The following ZSWIM6 variants were observed in gnomAD, a reference collection of about 807,000 sequenced individuals.
ZSWIM6 encodes zinc finger SWIM-type containing 6, also known as zinc finger SWIM domain-containing protein 6.
ZSWIM6 carries 9 observed loss-of-function variants against 113.2 expected under a neutral mutation model. The observed-to-expected ratio is 0.08, with a 90% CI of 0.05 to 0.14. The LOEUF is 0.14. Ranked by LOEUF, ZSWIM6 falls within the 10% of genes least tolerant of loss-of-function variation. ZSWIM6 has a pLI of 1.00. For synonymous variants in ZSWIM6, 611 were observed against 606.5 expected, an observed-to-expected ratio of 1.01 and a Z score of -0.11; for missense variants, 1,162 against 1,552.2, an observed-to-expected ratio of 0.75 and a Z score of 4.22.
intron 1 of ZSWIM6, among the ~76,000 whole-genome samples, chr5:61,470,730 A>C (rs1486413070): frequency 2.0e-5 from 3 of 152,216 alleles, no homozygotes; most frequent in Admixed American, 6.5e-5. Context: ...GACAGTTCTC[A>C]AAATTTCTTA....
At chr5:61,428,691 T>A (rs929766542) in intron 1 of ZSWIM6, among the ~76,000 whole-genome samples, 2 of 152,162 alleles carry the variant, frequency 1.3e-5, no homozygotes, top group African/African-American at 2.4e-5. Flanking sequence ...TTTTATTTTT[T>A]AAAAATTACA....
At chr5:61,509,969 G>T (rs556525385) in intron 4 of ZSWIM6, among the ~76,000 whole-genome samples, 178 of 151,960 alleles carry the variant, frequency 1.2e-3, no homozygotes, top group African/African-American at 4.0e-3. Context: ...ACAATGGTTT[G>T]CAGGAGTGCA....
rs1193439288 is a variant in ZSWIM6 at position 61,332,671 on chromosome 5, C to A, written c.399C>A (p.Ala133=). Residue 133 remains alanine, a synonymous_variant, in exon 1 of 14, where the codon GCC becomes GCA. Coordinates refer to ENST00000252744, the MANE Select transcript of ZSWIM6 (RefSeq NM_020928.2). ...MYSSFNTGGG[A]AGGPGDDSGG... ...CGTCCTTCAACACCGGCGGCGGCGCCGCGGGCGGCCCCGGCGACGACAGCG... is the reference window on the plus strand; with the variant it reads ...CGTCCTTCAACACCGGCGGCGGCGCAGCGGGCGGCCCCGGCGACGACAGCG... 2 of 1,108,640 alleles carry A rather than the reference C, an allele frequency of 1.8e-6. No individual in the cohort carries two copies. The highest frequency in any genetic ancestry group is 2.3e-5 in the South Asian group (1 of 43,356). 68.7% of individuals were successfully genotyped at this position (1,108,640 alleles called of 1,614,324 possible).
intron 1 of ZSWIM6, among the ~76,000 whole-genome samples, chr5:61,365,472 T>G (rs1156514110): frequency 6.6e-6 from 1 of 152,194 alleles, no homozygotes; most frequent in Admixed American, 6.5e-5. Flanking sequence ...CACAGAAATA[T>G]AGCAGTCCTT....
chr5:61,338,111 C>T (rs947325350), intron 1 of ZSWIM6, among the ~76,000 whole-genome samples: 1 of 150,716 alleles, frequency 6.6e-6, no homozygotes, highest in African/African-American at 2.4e-5. Context: ...ACATAACATT[C>T]TGGTAAACAC....
chr5:61,495,346 G>A (rs1430731587), intron 4 of ZSWIM6, among the ~76,000 whole-genome samples: 1 of 152,222 alleles, frequency 6.6e-6, no homozygotes, highest in Non-Finnish European at 1.5e-5. Context: ...AGTCCCGAGA[G>A]GTTAGGAGAC....
chr5:61,449,608 A>G (rs540984584), intron 1 of ZSWIM6, among the ~76,000 whole-genome samples: 1 of 152,322 alleles, frequency 6.6e-6, no homozygotes, highest in South Asian at 2.1e-4. Context: ...TGGTAAAATT[A>G]TATCAGTCTG....
chr5:61,455,783 C>T (rs1433898537), intron 1 of ZSWIM6, among the ~76,000 whole-genome samples: 1 of 150,118 alleles, frequency 6.7e-6, no homozygotes, highest in Non-Finnish European at 1.5e-5. Context: ...AAGTTAGATT[C>T]CCCGCCCCGG....
chr5:61,521,990 G>T (rs569827243), intron 5 of ZSWIM6, among the ~76,000 whole-genome samples: 3 of 152,018 alleles, frequency 2.0e-5, no homozygotes, highest in African/African-American at 7.2e-5. Flanking sequence ...TAGCCCACCT[G>T]CTGTAGGCTA....
At chr5:61,531,864 G>A (rs1363929477) in intron 9 of ZSWIM6, 139 bp downstream of exon 9, 15 of 942,556 alleles carry the variant, frequency 1.6e-5, no homozygotes, top group Non-Finnish European at 2.0e-5. Flanking sequence ...TCAAAGACAT[G>A]TTCGCTGTCT....
chr5:61,453,284 A>G lies in ZSWIM6; in HGVS notation c.677-19397A>G, dbSNP rs540343766. On this transcript the variant is annotated intron_variant, in intron 1 of 13. Coordinates refer to ENST00000252744, the MANE Select transcript of ZSWIM6 (RefSeq NM_020928.2). ...TTTGAAGTATTATATACATTGTGGG[A>G]TGACTAAATCTAGCTACTTAACATA... Among the ~76,000 whole-genome samples, 4 of 151,932 alleles carry G rather than the reference A, an allele frequency of 2.6e-5. No individual in the cohort carries two copies. The South Asian group carries it at 6.2e-4, about 24-fold the overall frequency.
At position 61,456,742 on chromosome 5, in the gene ZSWIM6, A is replaced by C. The variant is rs567651651; in HGVS notation, c.677-15939A>C. ...TAAATGTTAGGAGGAGAGAGAAGTGAAAGAGAACCAGTTAGACCAGTAGTA... is the reference window on the plus strand; with the variant it reads ...TAAATGTTAGGAGGAGAGAGAAGTGCAAGAGAACCAGTTAGACCAGTAGTA... On this transcript the variant is annotated intron_variant, in intron 1 of 13. Transcript: ENST00000252744. 8.5e-4 allele frequency among the ~76,000 whole-genome samples: 130 copies of C among 152,328 alleles called. 1 individual carries two copies. Among genetic ancestry groups the C allele is most frequent in the Non-Finnish European group, 1.4e-3 (97 of 68,024 alleles).
At chr5:61,375,904 G>C in intron 1 of ZSWIM6, 1 of 822,402 alleles carries the variant, frequency 1.2e-6, no homozygotes, top group Non-Finnish European at 1.9e-6. Context: ...AATGTCTGAG[G>C]AAATTTCAAC....
intron 1 of ZSWIM6, among the ~76,000 whole-genome samples, chr5:61,424,905 C>G (rs1042302242): frequency 6.6e-6 from 1 of 151,756 alleles, no homozygotes; most frequent in Non-Finnish European, 1.5e-5. Flanking sequence ...TTTTTGTATT[C>G]TTAGTAGAGA....
At chr5:61,479,455 G>C (rs1011319199) in intron 2 of ZSWIM6, among the ~76,000 whole-genome samples, 30 of 151,994 alleles carry the variant, frequency 2.0e-4, no homozygotes, top group African/African-American at 7.3e-4. Context: ...CACACTCTTT[G>C]GTCATCTCTG....
chr5:61,366,577 T>C (rs1400223289), intron 1 of ZSWIM6, among the ~76,000 whole-genome samples: 1 of 152,270 alleles, frequency 6.6e-6, no homozygotes, highest in Non-Finnish European at 1.5e-5. Context: ...TTAGAAAGTT[T>C]AGCCTTCTAG....
At chr5:61,529,181 C>T (rs1016559979) in intron 7 of ZSWIM6, among the ~76,000 whole-genome samples, 2 of 151,844 alleles carry the variant, frequency 1.3e-5, no homozygotes, top group African/African-American at 2.4e-5. Flanking sequence ...CACTCCAGGC[C>T]GGGCAACAAG....
intron 1 of ZSWIM6, among the ~76,000 whole-genome samples, chr5:61,379,728 A>G (rs1167489858): frequency 1.3e-5 from 2 of 152,224 alleles, no homozygotes; most frequent in African/African-American, 2.4e-5. Context: ...AGAACAAAGC[A>G]GAACGAACCT....
chr5:61,435,285 C>A (rs1317109829), intron 1 of ZSWIM6, among the ~76,000 whole-genome samples: 1 of 151,924 alleles, frequency 6.6e-6, no homozygotes, highest in Non-Finnish European at 1.5e-5. Flanking sequence ...TTCATTTAGC[C>A]AAATGGATTG....
Sources: gnomAD v4.1 joint callset for allele counts (sites outside exome capture counted in the v4.1 genomes callset) on GRCh38, gnomAD v4.1.1 for gene constraint, MANE v1.5 for transcripts, NCBI Gene and HGNC (gene_info 2026-07-23, HGNC 2026-07-21) for gene names.